The following TMEM9 variants were observed in gnomAD, a reference collection of about 807,000 sequenced individuals.
The protein encoded by TMEM9 is proton-transporting V-type ATPase complex assembly regulator TMEM9.
Under a neutral mutation model 22.8 loss-of-function variants are expected in TMEM9, and 13 were observed. The ratio of observed to expected loss-of-function variants is 0.57; its 90% CI spans 0.37 to 0.91. The LOEUF (loss-of-function observed/expected upper bound fraction) is 0.91. Ranked by LOEUF, TMEM9 falls within the 40% of genes least tolerant of loss-of-function variation. The pLI, the probability that TMEM9 is intolerant of heterozygous loss-of-function variation, is 0.01. For missense variants in TMEM9, 182 were observed against 238.1 expected (o/e 0.76, Z 1.55); for synonymous variants, 88 against 93.0 (o/e 0.95, Z 0.31).
intron 3 of TMEM9, chr1:201,145,503 T>C (rs1187953816): frequency 1.3e-5 from 2 of 152,298 alleles, no homozygotes; most frequent in Non-Finnish European, 2.9e-5. Context: ...CTCCCTGGAA[T>C]AGGCAGGAAG....
chr1:201,167,196 G>A (rs944790623), intron 1 of TMEM9, among the ~76,000 whole-genome samples: 2 of 152,218 alleles, frequency 1.3e-5, no homozygotes, highest in Non-Finnish European at 2.9e-5. Context: ...TGAAGACCGT[G>A]GCACTGCAGT....
chr1:201,156,980 G>C (rs2102289205), upstream of TMEM9, among the ~76,000 whole-genome samples: 1 of 152,308 alleles, frequency 6.6e-6, no homozygotes, highest in East Asian at 1.9e-4. Flanking sequence ...TGTTGTCTGT[G>C]GTGACACTTG....
chr1:201,154,617 C>G (rs1010502), upstream of TMEM9: 49,231 of 152,062 alleles, frequency 0.32, 8,612 homozygotes, highest in Admixed American at 0.38. Flanking sequence ...TTCTCAAACC[C>G]GACCAAACCA....
chr1:201,162,262 C>G (rs1665964923), intron 1 of TMEM9, among the ~76,000 whole-genome samples: 1 of 151,290 alleles, frequency 6.6e-6, no homozygotes, highest in Non-Finnish European at 1.5e-5. Context: ...TCTTGAGTAG[C>G]TGGGACTATA....
At chr1:201,138,951 C>T (rs1664256769) in intron 4 of TMEM9, among the ~76,000 whole-genome samples, 1 of 152,238 alleles carries the variant, frequency 6.6e-6, no homozygotes, top group Admixed American at 6.5e-5. Flanking sequence ...TATTTCCCCA[C>T]AGCTAGAGCA....
rs1665651788 is a variant in TMEM9, at chr1:201,154,051, G to A, written c.-128C>T. ...TTAACCATCCGGCCAAGTGGGAATG[G>A]GGTTGGGGGCTGGGCTCCAGGATTC... is the stretch of plus-strand genomic sequence containing the variant. On this transcript the variant is annotated 5_prime_UTR_variant, in exon 1 of 5. Coordinates refer to ENST00000367330, the MANE Select transcript of TMEM9 (RefSeq NM_001288565.2). The A allele has an allele frequency of 1.8e-6, 2 of 1,141,620 alleles. No homozygotes were observed. Among genetic ancestry groups the A allele is most frequent in the South Asian group, 3.2e-5 (2 of 62,218 alleles). 70.7% of individuals were successfully genotyped at this position (1,141,620 alleles called of 1,614,324 possible).
chr1:201,141,406 C>A (rs1268351751), intron 4 of TMEM9, among the ~76,000 whole-genome samples: 1 of 152,172 alleles, frequency 6.6e-6, no homozygotes, highest in African/African-American at 2.4e-5. Context: ...CACACAGAAT[C>A]ACAGGAGGTG....
At chr1:201,143,604 T>C (rs1322431256) in intron 4 of TMEM9, among the ~76,000 whole-genome samples, 1 of 152,240 alleles carries the variant, frequency 6.6e-6, no homozygotes, top group East Asian at 1.9e-4. Context: ...CCCCGGCTTG[T>C]ACATGGAGAC....
In TMEM9 at chr1:201,151,763, G is replaced by A. The variant is rs1181691907; in HGVS notation, c.156C>T (p.Asp52=). 12 of 1,613,448 alleles carry A rather than the reference G, an allele frequency of 7.4e-6. No individual in the cohort carries two copies. Among genetic ancestry groups the A allele is most frequent in the Non-Finnish European group, 1.0e-5 (12 of 1,179,418 alleles). The change falls in exon 2 of 5, where the codon GAC becomes GAT. Residue 52 remains aspartate (D), a splice_region_variant and synonymous_variant. Transcript: ENST00000367330. ...HIYNQNVSQK[D]CNCLHVVEPM... is the part of the protein sequence containing the mutation. ...GGGGCCTGCGTGTAATGCCTTACCA[G>A]TCCTTCTGGGATACATTCTGGTTGT...
intron 1 of TMEM9, among the ~76,000 whole-genome samples, chr1:201,165,060 A>G (rs1430899558): frequency 6.6e-6 from 1 of 151,440 alleles, no homozygotes; most frequent in Non-Finnish European, 1.5e-5. Context: ...TAAGGAAAGG[A>G]CAATGGGTAA....
chr1:201,147,210 G>C (rs1665049511), intron 2 of TMEM9, among the ~76,000 whole-genome samples: 2 of 152,156 alleles, frequency 1.3e-5, no homozygotes, highest in Admixed American at 1.3e-4. Flanking sequence ...ACGGATCTTA[G>C]ATCAGAATCT....
At chr1:201,169,667 T>C (rs561853474) in intron 1 of TMEM9, among the ~76,000 whole-genome samples, 85 of 152,274 alleles carry the variant, frequency 5.6e-4, no homozygotes, top group African/African-American at 1.9e-3. Context: ...CCCAGAGAAA[T>C]TTCTTGCTAT....
At chr1:201,166,347 A>G (rs1463258368) in intron 1 of TMEM9, among the ~76,000 whole-genome samples, 2 of 130,058 alleles carry the variant, frequency 1.5e-5, no homozygotes, top group Admixed American at 8.5e-5. Context: ...TTGGACTTGG[A>G]AAAAAAAAGA....
At chr1:201,157,510 C>T (rs899682694), upstream of TMEM9, among the ~76,000 whole-genome samples, 2 of 152,188 alleles carry the variant, frequency 1.3e-5, no homozygotes, top group African/African-American at 4.8e-5. Context: ...ATTTCTAGGG[C>T]TGCTTCTTAT....
chr1:201,143,702 A>G (rs1471672138), intron 4 of TMEM9, 118 bp downstream of exon 4: 1 of 1,010,266 alleles, frequency 9.9e-7, no homozygotes, highest in Non-Finnish European at 1.5e-6. Context: ...ACTGACCAGA[A>G]GAGCAACTTG....
At chr1:201,165,266 G>T (rs1410859065) in intron 1 of TMEM9, among the ~76,000 whole-genome samples, 1 of 149,742 alleles carries the variant, frequency 6.7e-6, no homozygotes, top group Non-Finnish European at 1.5e-5. Flanking sequence ...CTCAGAAAGG[G>T]CTCTTTTATA....
intron 1 of TMEM9, among the ~76,000 whole-genome samples, chr1:201,160,217 C>T (rs1665906640): frequency 6.6e-6 from 1 of 152,238 alleles, no homozygotes; most frequent in African/African-American, 2.4e-5. Context: ...CATTGGGCCT[C>T]AGTTTCCCCC....
intron 2 of TMEM9, among the ~76,000 whole-genome samples, chr1:201,148,914 C>T (rs1665211013): frequency 2.0e-5 from 3 of 152,236 alleles, no homozygotes; most frequent in African/African-American, 7.2e-5. Context: ...AAAGGGTCAC[C>T]CAGGGCACTT....
chr1:201,158,151 C>CT (rs1175411703), upstream of TMEM9, among the ~76,000 whole-genome samples: 3 of 152,146 alleles, frequency 2.0e-5, no homozygotes, highest in Admixed American at 6.5e-5. Context: ...CAGGCAAGGA[C>CT]TGTGGGTGCT....
Sources: gnomAD v4.1 joint callset for allele counts (sites outside exome capture counted in the v4.1 genomes callset) on GRCh38, gnomAD v4.1.1 for gene constraint, MANE v1.5 for transcripts, NCBI Gene and HGNC (gene_info 2026-07-23, HGNC 2026-07-21) for gene names.